Variants in NAALADL2 observed in about 807,000 individuals in gnomAD.
NAALADL2 encodes the protein N-acetylated alpha-linked acidic dipeptidase like 2.
Under a neutral mutation model 87.2 loss-of-function variants are expected in NAALADL2, and 76 were observed. The observed-to-expected ratio is 0.87, with a 90% CI of 0.72 to 1.05. The LOEUF is 1.05. Ranked by LOEUF, NAALADL2 falls within the 50% of genes least tolerant of loss-of-function variation. The pLI, the probability that NAALADL2 is intolerant of heterozygous loss-of-function variation, is 0.00. For missense variants in NAALADL2, 1,089 were observed against 945.8 expected (o/e 1.15, Z -1.99); for synonymous variants, 354 against 331.0 (o/e 1.07, Z -0.75).
intron 1 of NAALADL2, among the ~76,000 whole-genome samples, chr3:174,506,225 G>C (rs1719197727): frequency 1.3e-5 from 2 of 149,046 alleles, no homozygotes; most frequent in Admixed American, 1.3e-4. Flanking sequence ...CTATTTCCCA[G>C]GCTGGAGTGC....
intron 2 of NAALADL2, among the ~76,000 whole-genome samples, chr3:175,227,570 T>G (rs1192399611): frequency 2.0e-5 from 3 of 152,060 alleles, no homozygotes; most frequent in African/African-American, 7.2e-5. Flanking sequence ...AATTCTTTAA[T>G]AGAATTTCTC....
At chr3:175,756,082 A>G (rs1747233164) in intron 13 of NAALADL2, among the ~76,000 whole-genome samples, 1 of 152,166 alleles carries the variant, frequency 6.6e-6, no homozygotes, top group Non-Finnish European at 1.5e-5. Context: ...GTACCCATCA[A>G]TCATCATAAA....
At chr3:175,182,406 G>C (rs924476932) in intron 2 of NAALADL2, among the ~76,000 whole-genome samples, 13 of 150,716 alleles carry the variant, frequency 8.6e-5, no homozygotes, top group Non-Finnish European at 1.9e-4. Context: ...TTTGTTTTTT[G>C]ACACAGGGTC....
intron 4 of NAALADL2, among the ~76,000 whole-genome samples, chr3:175,313,731 A>G (rs1229636035): frequency 1.3e-5 from 2 of 152,172 alleles, no homozygotes; most frequent in African/African-American, 4.8e-5. Flanking sequence ...GGTTAAAAGT[A>G]ACAATAGAAG....
intron 9 of NAALADL2, among the ~76,000 whole-genome samples, chr3:175,545,939 G>C (rs1713235351): frequency 6.6e-6 from 1 of 152,068 alleles, no homozygotes; most frequent in Non-Finnish European, 1.5e-5. Flanking sequence ...TGATTTATAT[G>C]GTGTGAGATA....
At chr3:175,685,809 G>A (rs1171972512) in intron 11 of NAALADL2, among the ~76,000 whole-genome samples, 2 of 152,162 alleles carry the variant, frequency 1.3e-5, no homozygotes, top group African/African-American at 4.8e-5. Context: ...CTTACTTGAG[G>A]AAGAGTCAGT....
intron 4 of NAALADL2, among the ~76,000 whole-genome samples, chr3:175,323,426 C>G (rs763947466): frequency 4.8e-4 from 73 of 150,998 alleles, no homozygotes; most frequent in Non-Finnish European, 8.8e-4. Flanking sequence ...CAGCATGGCA[C>G]ATGTATACAT....
chr3:174,543,716 C>CA (rs1331698183), intron 1 of NAALADL2, among the ~76,000 whole-genome samples: 1 of 151,976 alleles, frequency 6.6e-6, no homozygotes, highest in Non-Finnish European at 1.5e-5. Context: ...ATTTAAAAGT[C>CA]ACATAGGCTG....
intron 1 of NAALADL2, among the ~76,000 whole-genome samples, chr3:174,483,006 T>G (rs1052980957): frequency 6.6e-6 from 1 of 151,998 alleles, no homozygotes; most frequent in Non-Finnish European, 1.5e-5. Flanking sequence ...TGTGCTTTAT[T>G]ATTAGCAACA....
chr3:175,698,336 T>TTTATGTATGTATAC lies in NAALADL2; in HGVS notation c.1897-38970_1897-38969insTTATGTATGTATAC, dbSNP rs1738323325. ...ATGTATGTGTATTTATGTATGTGTATATATGTATGTGTATTTATGTATGTG... is the reference window on the plus strand; with the variant it reads ...ATGTATGTGTATTTATGTATGTGTATTTATGTATGTATACATATGTATGTGTATTTATGTATGTG... On this transcript the variant is annotated intron_variant, in intron 11 of 13. Coordinates refer to ENST00000454872, the MANE Select transcript of NAALADL2 (RefSeq NM_207015.3). Among the ~76,000 whole-genome samples the TTTATGTATGTATAC allele has an allele frequency of 4.3e-4, 32 of 73,724 alleles. 6 individuals are homozygous for TTTATGTATGTATAC. The highest frequency in any genetic ancestry group is 2.0e-4 in the Non-Finnish European group (8 of 40,284). The allele number at this position is 73,724 out of a possible 152,430, so 48.4% of individuals were successfully genotyped here. A position where few individuals can be genotyped will look rare whatever the true frequency, so the allele number is the denominator to read the frequency against.
intron 2 of NAALADL2, among the ~76,000 whole-genome samples, chr3:175,116,196 C>G (rs1243917871): frequency 6.6e-6 from 1 of 152,002 alleles, no homozygotes; most frequent in African/African-American, 2.4e-5. Context: ...CCTCTCTCAC[C>G]ACTCCTATTC....
chr3:175,166,098 T>C (rs1388640897), intron 2 of NAALADL2, among the ~76,000 whole-genome samples: 1 of 151,956 alleles, frequency 6.6e-6, no homozygotes, highest in African/African-American at 2.4e-5. Context: ...AAAAAAAACT[T>C]ACCTAGTATA....
rs141573415 is a variant in NAALADL2 at position 175,206,946 on chromosome 3, A to G, written c.546-26985A>G. Reference sequence around the variant, plus strand: ...TTGAGAGGACAAAGTGGTAAAATGAAGAGAAAGCAGTGCATGCGAATATGT... The same window carrying G: ...TTGAGAGGACAAAGTGGTAAAATGAGGAGAAAGCAGTGCATGCGAATATGT... On this transcript the variant is annotated intron_variant, in intron 2 of 13. Transcript: ENST00000454872. Among the ~76,000 whole-genome samples the G allele has an allele frequency of 7.2e-5, 11 of 152,272 alleles. No individual in the cohort carries two copies. In the East Asian group the frequency reaches 2.1e-3, roughly 29 times the overall value.
chr3:175,364,270 C>A (rs1581589698), intron 5 of NAALADL2, among the ~76,000 whole-genome samples: 1 of 147,872 alleles, frequency 6.8e-6, no homozygotes, highest in Admixed American at 6.9e-5. Context: ...GAAAATATGT[C>A]TTTTTCCTCT....
In NAALADL2 at chr3:174,689,970, T is replaced by TA. The variant is rs3040030; in HGVS notation, c.-114-47660dup. ...ATATTTGTATAGATCCTTGATCTTC[T>TA]AAAAAAAAAAAGGTCCTGAGTCTAA... On this transcript the variant is annotated intron_variant, in intron 2 of 3. Transcript: ENST00000434257. 1.8e-3 allele frequency among the ~76,000 whole-genome samples: 272 copies of TA among 149,392 alleles called. 1 individual carries two copies. The highest frequency in any genetic ancestry group is 7.0e-3 in the Middle Eastern group (2 of 286).
At chr3:174,934,633 G>A (rs1441237968) in intron 1 of NAALADL2, among the ~76,000 whole-genome samples, 1 of 151,936 alleles carries the variant, frequency 6.6e-6, no homozygotes, top group Non-Finnish European at 1.5e-5. Flanking sequence ...GCAACATGCT[G>A]AGACCTCGTC....
chr3:175,566,357 G>A (rs1243353325), intron 9 of NAALADL2, among the ~76,000 whole-genome samples: 1 of 152,082 alleles, frequency 6.6e-6, no homozygotes, highest in Non-Finnish European at 1.5e-5. Context: ...GAGGCAAATG[G>A]CATTTGAACA....
chr3:174,502,298 TTTG>T (rs1334001478), intron 1 of NAALADL2, among the ~76,000 whole-genome samples: 11 of 152,214 alleles, frequency 7.2e-5, no homozygotes, highest in Admixed American at 6.5e-4. Context: ...AATGAATTTT[TTTG>T]TTGTTGTTAG....
intron 1 of NAALADL2, among the ~76,000 whole-genome samples, chr3:174,479,651 GTTAT>G (rs879939508): frequency 1.4e-4 from 21 of 152,058 alleles, no homozygotes; most frequent in Non-Finnish European, 2.6e-4. Flanking sequence ...CTAGCATAAA[GTTAT>G]TTAGTTCTAG....
Sources: allele counts gnomAD v4.1 joint callset (sites outside exome capture counted in the v4.1 genomes callset), GRCh38; gene constraint gnomAD v4.1.1; transcripts MANE v1.5; gene names NCBI Gene and HGNC (gene_info 2026-07-23, HGNC 2026-07-21).